Variants in ZNF804A observed in about 807,000 individuals in gnomAD.
ZNF804A encodes the protein zinc finger protein 804A.
Under a neutral mutation model 16.5 loss-of-function variants are expected in ZNF804A, and 2 were observed. The observed-to-expected ratio is 0.12, with a 90% CI of 0.05 to 0.38. ZNF804A has a LOEUF of 0.38. ZNF804A is among the 10% of genes least tolerant of loss of function. The probability of loss-of-function intolerance (pLI) is 0.99; values close to 1 mark genes in which losing one functional copy is unlikely to be tolerated. For missense variants in ZNF804A, 1,473 were observed against 1,390.7 expected (o/e 1.06, Z -0.94); for synonymous variants, 534 against 489.6 (o/e 1.09, Z -1.20).
intron 1 of ZNF804A, among the ~76,000 whole-genome samples, chr2:184,671,806 C>A (rs1244565618): frequency 6.6e-6 from 1 of 152,206 alleles, no homozygotes; most frequent in Non-Finnish European, 1.5e-5. Context: ...ATTCACAAAT[C>A]TCTTTGCTGT....
At chr2:184,798,001 G>GAT (rs1184237547) in intron 1 of ZNF804A, among the ~76,000 whole-genome samples, 2 of 126,412 alleles carry the variant, frequency 1.6e-5, no homozygotes, top group Admixed American at 8.4e-5. Flanking sequence ...ATTCATGGCT[G>GAT]ATATATGTGT....
chr2:184,818,364 A>C (rs1695016957), intron 1 of ZNF804A, among the ~76,000 whole-genome samples: 1 of 152,002 alleles, frequency 6.6e-6, no homozygotes, highest in South Asian at 2.1e-4. Flanking sequence ...ATGCTGAGGG[A>C]ATTTGTCACC....
chr2:184,925,335 C>T (rs1685593507), intron 2 of ZNF804A, among the ~76,000 whole-genome samples: 2 of 151,840 alleles, frequency 1.3e-5, no homozygotes, highest in Non-Finnish European at 2.9e-5. Context: ...CTGTTTATCT[C>T]ATATAACTAT....
intron 2 of ZNF804A, among the ~76,000 whole-genome samples, chr2:184,915,956 C>T (rs1344659475): frequency 6.6e-6 from 1 of 152,018 alleles, no homozygotes; most frequent in Non-Finnish European, 1.5e-5. Context: ...TGTGTGATAC[C>T]ATCCACTAGA....
chr2:184,923,368 A>G (rs1685561194), intron 2 of ZNF804A, among the ~76,000 whole-genome samples: 1 of 152,010 alleles, frequency 6.6e-6, no homozygotes, highest in South Asian at 2.1e-4. Flanking sequence ...GGTATATAAA[A>G]TTGCTACTGA....
intron 1 of ZNF804A, among the ~76,000 whole-genome samples, chr2:184,801,999 C>T (rs1694734528): frequency 2.0e-5 from 3 of 152,172 alleles, no homozygotes; most frequent in Non-Finnish European, 2.9e-5. Context: ...AAATGTCTAG[C>T]ACCCTGTTGT....
Position 184,937,469 on chromosome 2 carries a change from C to G in ZNF804A, c.2073C>G (p.Asn691Lys). 6.3e-7 allele frequency: 1 copy of G among 1,584,092 alleles called. No homozygotes were observed. Among genetic ancestry groups the G allele is most frequent in the Non-Finnish European group, 8.6e-7 (1 of 1,165,186 alleles). ...CTTATGATACTATCAGTTCTAAAAA[C>G]CACTGTAAAAAGAACACAATACTTT... ...YNTYDTISSK[N>K]HCKKNTILLN... The change falls in exon 4 of 4, where the codon AAC becomes AAG. Residue 691 changes from asparagine (N) to lysine (K), a missense_variant. Asn to Lys is a moderately conservative substitution (Grantham distance 94). Transcript: ENST00000302277.
intron 1 of ZNF804A, among the ~76,000 whole-genome samples, chr2:184,781,745 T>C (rs1448463765): frequency 1.3e-5 from 2 of 151,726 alleles, no homozygotes; most frequent in African/African-American, 4.8e-5. Context: ...TTGCATCATC[T>C]TTGTGCAAGA....
intron 2 of ZNF804A, among the ~76,000 whole-genome samples, chr2:184,923,820 G>T (rs1559004103): frequency 6.6e-6 from 1 of 151,826 alleles, no homozygotes; most frequent in Non-Finnish European, 1.5e-5. Flanking sequence ...TATGGTTTTT[G>T]TTCTTCATCC....
chr2:184,725,140 C>G (rs1343755601), intron 1 of ZNF804A, among the ~76,000 whole-genome samples: 1 of 151,482 alleles, frequency 6.6e-6, no homozygotes, highest in Non-Finnish European at 1.5e-5. Flanking sequence ...ATAGAATGAC[C>G]TTTGGAAATT....
chr2:184,867,043 A>T (rs921878346), intron 2 of ZNF804A, among the ~76,000 whole-genome samples: 1 of 151,850 alleles, frequency 6.6e-6, no homozygotes, highest in Non-Finnish European at 1.5e-5. Context: ...AGTACTTAAT[A>T]TATCTATGAT....
intron 1 of ZNF804A, among the ~76,000 whole-genome samples, chr2:184,706,285 T>C (rs1379003822): frequency 1.3e-5 from 2 of 152,188 alleles, no homozygotes; most frequent in African/African-American, 2.4e-5. Context: ...CCTGCAGCTG[T>C]CCACTTTAAG....
intron 1 of ZNF804A, among the ~76,000 whole-genome samples, chr2:184,753,256 A>G (rs1472205605): frequency 6.6e-6 from 1 of 151,676 alleles, no homozygotes; most frequent in Non-Finnish European, 1.5e-5. Context: ...TTACAAAATG[A>G]GGCTGGGGGG....
intron 1 of ZNF804A, among the ~76,000 whole-genome samples, chr2:184,759,790 G>T (rs1694014869): frequency 6.6e-6 from 1 of 151,832 alleles, no homozygotes; most frequent in South Asian, 2.1e-4. Flanking sequence ...GGCTCATCCT[G>T]GCTCAAAAAG....
At chr2:184,780,782 C>T (rs1171495841) in intron 1 of ZNF804A, among the ~76,000 whole-genome samples, 2 of 151,756 alleles carry the variant, frequency 1.3e-5, no homozygotes, top group Non-Finnish European at 2.9e-5. Flanking sequence ...AAATTCTCTT[C>T]AATAATGGAT....
At chr2:184,819,733 G>C (rs1392715753) in intron 1 of ZNF804A, among the ~76,000 whole-genome samples, 2 of 151,868 alleles carry the variant, frequency 1.3e-5, no homozygotes, top group Non-Finnish European at 2.9e-5. Context: ...GGATAAGGGG[G>C]ATATCACCAC....
intron 1 of ZNF804A, among the ~76,000 whole-genome samples, chr2:184,644,995 T>A (rs1691849768): frequency 6.6e-6 from 1 of 152,036 alleles, no homozygotes; most frequent in South Asian, 2.1e-4. Context: ...ATATTTGGCT[T>A]CATAATTATC....
intron 2 of ZNF804A, among the ~76,000 whole-genome samples, chr2:184,869,566 G>C (rs1013146790): frequency 3.3e-5 from 5 of 152,074 alleles, no homozygotes; most frequent in Admixed American, 2.0e-4. Flanking sequence ...GCATTGCAGA[G>C]TACATGGAAA....
intron 2 of ZNF804A, among the ~76,000 whole-genome samples, chr2:184,910,670 G>T (rs1030204980): frequency 2.6e-5 from 4 of 151,882 alleles, no homozygotes; most frequent in Non-Finnish European, 4.4e-5. Flanking sequence ...TAGCCATTCT[G>T]ACTGGTACGA....
Sources: allele counts gnomAD v4.1 joint callset (sites outside exome capture counted in the v4.1 genomes callset), GRCh38; gene constraint gnomAD v4.1.1; transcripts MANE v1.5; gene names NCBI Gene and HGNC (gene_info 2026-07-23, HGNC 2026-07-21).